MDGA2: variants seen among roughly 807,000 people sequenced by gnomAD.
The protein encoded by MDGA2 is MAM domain containing glycosylphosphatidylinositol anchor 2, also known as MAM domain-containing glycosylphosphatidylinositol anchor protein 2.
Under a neutral mutation model 117.8 loss-of-function variants are expected in MDGA2, and 40 were observed. That is an observed-to-expected ratio of 0.34 (90% CI 0.26 to 0.44). The LOEUF (loss-of-function observed/expected upper bound fraction) is 0.44, where lower values mean the gene tolerates loss of function less well. MDGA2 is among the 20% of genes least tolerant of loss of function. The pLI is 1.00. For synonymous variants in MDGA2, 452 were observed against 439.0 expected (o/e 1.03, Z -0.37); for missense variants, 1,123 against 1,250.6 (o/e 0.90, Z 1.54).
intron 2 of MDGA2, among the ~76,000 whole-genome samples, chr14:47,261,351 C>A (rs1887789711): frequency 6.6e-6 from 1 of 152,200 alleles, no homozygotes; most frequent in African/African-American, 2.4e-5. Flanking sequence ...CCATCTCAAG[C>A]ACATGGTCAA....
At position 46,864,545 on chromosome 14, in the gene MDGA2, G is replaced by GTTTTTTTTTTTTTTT. The variant is rs71112467; in HGVS notation, c.2752+8873_2752+8887dup. On this transcript the variant is annotated intron_variant, in intron 14 of 16. Transcript: ENST00000399232. ...TTTGTTGCGCTTTGCAGATATTGCT[G>GTTTTTTTTTTTTTTT]TTTTTTTTTTTTTTTTTTTTTTTTT... 1.7e-3 allele frequency among the ~76,000 whole-genome samples: 85 copies of GTTTTTTTTTTTTTTT among 51,476 alleles called. 14 individuals carry two copies. The highest frequency in any genetic ancestry group is 2.8e-3 in the Non-Finnish European group (72 of 25,446). The allele number at this position is 51,476 out of a possible 152,430, so 33.8% of individuals were successfully genotyped here.
chr14:47,260,092 T>C (rs1887745949), intron 2 of MDGA2, among the ~76,000 whole-genome samples: 2 of 151,830 alleles, frequency 1.3e-5, no homozygotes, highest in African/African-American at 4.8e-5. Context: ...TGGTGCTAGA[T>C]GGAAAAATGG....
At chr14:47,361,741 G>A (rs1891130490) in intron 1 of MDGA2, among the ~76,000 whole-genome samples, 1 of 151,958 alleles carries the variant, frequency 6.6e-6, no homozygotes, top group Non-Finnish European at 1.5e-5. Context: ...GAATCCTTTG[G>A]GTTTGAACTG....
intron 10 of MDGA2, among the ~76,000 whole-genome samples, chr14:46,915,450 G>C (rs1217343025): frequency 1.3e-5 from 2 of 152,128 alleles, no homozygotes; most frequent in Non-Finnish European, 2.9e-5. Flanking sequence ...TATAAATATA[G>C]TGTATCAATA....
At chr14:46,991,231 C>T (rs1278349078) in intron 8 of MDGA2, among the ~76,000 whole-genome samples, 2 of 152,100 alleles carry the variant, frequency 1.3e-5, no homozygotes, top group African/African-American at 2.4e-5. Context: ...AAAGTGAAGA[C>T]ATCCTCTGCC....
At chr14:47,154,338 G>T (rs963600072) in intron 3 of MDGA2, among the ~76,000 whole-genome samples, 53 of 152,336 alleles carry the variant, frequency 3.5e-4, no homozygotes, top group African/African-American at 1.1e-3. Context: ...CGACCGCAGT[G>T]GGGGAGATGC....
intron 8 of MDGA2, among the ~76,000 whole-genome samples, chr14:46,988,967 C>A (rs1342415855): frequency 6.6e-6 from 1 of 152,094 alleles, no homozygotes; most frequent in Non-Finnish European, 1.5e-5. Flanking sequence ...CTCCATCCTT[C>A]ATTTTAAAGA....
chr14:46,913,602 G>A (rs1031306522), intron 10 of MDGA2, among the ~76,000 whole-genome samples: 1 of 152,132 alleles, frequency 6.6e-6, no homozygotes, highest in African/African-American at 2.4e-5. Context: ...ACAATCAATT[G>A]TATCAAACAT....
At chr14:47,054,652 G>A (rs992482596) in intron 7 of MDGA2, among the ~76,000 whole-genome samples, 1 of 151,852 alleles carries the variant, frequency 6.6e-6, no homozygotes, top group Admixed American at 6.6e-5. Context: ...TACCAAAACA[G>A]AGATATAGAC....
chr14:47,573,745 A>G (rs934442868), intron 1 of MDGA2, among the ~76,000 whole-genome samples: 20 of 152,226 alleles, frequency 1.3e-4, no homozygotes, highest in African/African-American at 4.8e-4. Context: ...GGAGAAAATC[A>G]GCTAAAAGCA....
chr14:47,536,808 T>C (rs1349502158), intron 1 of MDGA2, among the ~76,000 whole-genome samples: 3 of 152,212 alleles, frequency 2.0e-5, no homozygotes, highest in East Asian at 3.9e-4. Flanking sequence ...GGCTGCACTG[T>C]TTCTAAACAG....
chr14:47,536,262 T>C (rs928197117), intron 1 of MDGA2, among the ~76,000 whole-genome samples: 1 of 152,190 alleles, frequency 6.6e-6, no homozygotes, highest in Non-Finnish European at 1.5e-5. Context: ...ATGAAATATG[T>C]ACAAATGAAT....
chr14:47,474,881 T>C (rs918748651), intron 1 of MDGA2, among the ~76,000 whole-genome samples: 8 of 152,142 alleles, frequency 5.3e-5, no homozygotes, highest in African/African-American at 1.2e-4. Flanking sequence ...ATAGAAACTC[T>C]AGAAGAAAAT....
At chr14:47,648,238 C>T (rs1356289830) in intron 1 of MDGA2, among the ~76,000 whole-genome samples, 1 of 152,060 alleles carries the variant, frequency 6.6e-6, no homozygotes, top group Non-Finnish European at 1.5e-5. Flanking sequence ...GTTACATAAC[C>T]TTTCACTATT....
chr14:46,889,230 C>T lies in MDGA2; in HGVS notation c.2239-7009G>A, dbSNP rs185138727. Among the ~76,000 whole-genome samples, 129 of 152,094 alleles carry T rather than the reference C, an allele frequency of 8.5e-4. 2 individuals are homozygous for T. In the East Asian group the frequency reaches 0.024, roughly 28 times the overall value. ...TTATATAACTTTTCTTCTTTCATTA[C>T]CACAAATTTGAGTATCATCTTCTTT... is the stretch of plus-strand genomic sequence containing the variant. On this transcript the variant is annotated intron_variant, in intron 10 of 16. Transcript: ENST00000399232.
intron 8 of MDGA2, among the ~76,000 whole-genome samples, chr14:47,018,298 G>A (rs1888155890): frequency 6.6e-6 from 1 of 152,052 alleles, no homozygotes; most frequent in Non-Finnish European, 1.5e-5. Flanking sequence ...TCTGCTAGTG[G>A]CTTAGCACTA....
chr14:47,196,670 C>G (rs867519508), intron 3 of MDGA2, among the ~76,000 whole-genome samples: 1 of 152,074 alleles, frequency 6.6e-6, no homozygotes, highest in Non-Finnish European at 1.5e-5. Context: ...ACAACATAGG[C>G]ATTATTAATT....
At chr14:47,645,536 A>G (rs1472362496) in intron 1 of MDGA2, among the ~76,000 whole-genome samples, 2 of 151,852 alleles carry the variant, frequency 1.3e-5, no homozygotes, top group African/African-American at 4.8e-5. Context: ...GCCCGGCCCA[A>G]TTCAATTCTT....
chr14:47,331,498 A>G (rs1594800393), intron 1 of MDGA2, among the ~76,000 whole-genome samples: 1 of 151,564 alleles, frequency 6.6e-6, no homozygotes, highest in East Asian at 1.9e-4. Flanking sequence ...GACATCTGAA[A>G]AAGTTCCTTT....
Sources: allele counts gnomAD v4.1 joint callset (sites outside exome capture counted in the v4.1 genomes callset), GRCh38; gene constraint gnomAD v4.1.1; transcripts MANE v1.5; gene names NCBI Gene and HGNC (gene_info 2026-07-23, HGNC 2026-07-21).